ATRNL1: variants seen among roughly 807,000 people sequenced by gnomAD.
ATRNL1 encodes attractin-like protein 1.
Under a neutral mutation model 182.7 loss-of-function variants are expected in ATRNL1, and 95 were observed. That is an observed-to-expected ratio of 0.52 (90% CI 0.44 to 0.62). The LOEUF is 0.62. ATRNL1 is among the 20% of genes least tolerant of loss of function. The pLI is 0.00. For synonymous variants in ATRNL1, 576 were observed against 568.3 expected (o/e 1.01, Z -0.19); for missense variants, 1,471 against 1,679.5 (o/e 0.88, Z 2.17).
At chr10:115,171,646 T>G (rs2144096444) in intron 8 of ATRNL1, among the ~76,000 whole-genome samples, 1 of 152,082 alleles carries the variant, frequency 6.6e-6, no homozygotes, top group Non-Finnish European at 1.5e-5. Context: ...CATTGCATGG[T>G]TTCAGGATTT....
chr10:115,453,771 G>A (rs1282697082), intron 21 of ATRNL1, among the ~76,000 whole-genome samples: 4 of 147,294 alleles, frequency 2.7e-5, no homozygotes, highest in Non-Finnish European at 1.5e-5. Context: ...CACAGGAAGG[G>A]GAACATCACA....
intron 27 of ATRNL1, among the ~76,000 whole-genome samples, chr10:115,757,323 T>C (rs1209259338): frequency 6.6e-6 from 1 of 152,174 alleles, no homozygotes; most frequent in Non-Finnish European, 1.5e-5. Flanking sequence ...TGTGTAGTAC[T>C]TCCTTCAGGA....
At chr10:115,454,656 G>A (rs1252289920) in intron 21 of ATRNL1, among the ~76,000 whole-genome samples, 2 of 151,880 alleles carry the variant, frequency 1.3e-5, no homozygotes, top group Non-Finnish European at 2.9e-5. Context: ...TTCTTTTGAT[G>A]CCATTGTAAG....
chr10:115,098,331 A>G (rs1387849122), intron 1 of ATRNL1, among the ~76,000 whole-genome samples: 1 of 151,860 alleles, frequency 6.6e-6, no homozygotes, highest in South Asian at 2.1e-4. Flanking sequence ...AAGTTCCTTG[A>G]AAGTGTCACA....
rs76328082 is a variant in ATRNL1, at chr10:115,621,313, A to T, written c.3795+71777A>T. Among the ~76,000 whole-genome samples, 590 of 74,060 alleles carry T rather than the reference A, an allele frequency of 8.0e-3. 9 individuals are homozygous for T. Among genetic ancestry groups the T allele is most frequent in the African/African-American group, 0.021 (505 of 23,696 alleles). The allele number at this position is 74,060 out of a possible 152,430, so 48.6% of individuals were successfully genotyped here. ...GAGAGAGAGAGAGAGAGAGAGAGAG[A>T]GTGTGTGAGTGAGTCAGCATCTTAC... On this transcript the variant is annotated intron_variant, in intron 26 of 28. Transcript: ENST00000355044.
At chr10:115,484,196 A>G (rs1283105612) in intron 24 of ATRNL1, among the ~76,000 whole-genome samples, 1 of 151,160 alleles carries the variant, frequency 6.6e-6, no homozygotes, top group African/African-American at 2.4e-5. Context: ...TCTCATTGAT[A>G]TTAGGTTATG....
intron 28 of ATRNL1, among the ~76,000 whole-genome samples, chr10:115,893,771 C>T (rs555055442): frequency 2.6e-5 from 4 of 152,236 alleles, no homozygotes; most frequent in East Asian, 1.9e-4. Context: ...GCATGAAACG[C>T]GACTACTTCC....
intron 26 of ATRNL1, among the ~76,000 whole-genome samples, chr10:115,690,063 G>A (rs1158027101): frequency 6.6e-6 from 1 of 152,214 alleles, no homozygotes; most frequent in Admixed American, 6.5e-5. Flanking sequence ...GCCAAGTACA[G>A]AATTTGCACT....
At chr10:115,414,681 G>GTA (rs1193571827) in intron 20 of ATRNL1, among the ~76,000 whole-genome samples, 1 of 151,724 alleles carries the variant, frequency 6.6e-6, no homozygotes, top group African/African-American at 2.4e-5. Flanking sequence ...AAGTAAAGCT[G>GTA]TATGAGCTGT....
At chr10:115,257,080 TGTG>T (rs1851176945) in intron 10 of ATRNL1, among the ~76,000 whole-genome samples, 1 of 152,186 alleles carries the variant, frequency 6.6e-6, no homozygotes, top group African/African-American at 2.4e-5. Context: ...ATAAGTGCGA[TGTG>T]GTGCTGAGAA....
Position 115,948,503 on chromosome 10 carries a change from G to A in ATRNL1, c.*3724G>A, listed in dbSNP as rs892961540. 2.6e-5 allele frequency: 4 copies of A among 152,182 alleles called. No homozygotes were observed. The highest frequency in any genetic ancestry group is 5.9e-5 in the Non-Finnish European group (4 of 68,034). 9.4% of individuals were successfully genotyped at this position (152,182 alleles called of 1,614,324 possible). Reference sequence around the variant, plus strand: ...TTACCTGATTACAGGAATTGCTTGGGTTCAGGCAGATTCCCACTTTCACCT... The same window carrying A: ...TTACCTGATTACAGGAATTGCTTGGATTCAGGCAGATTCCCACTTTCACCT... On this transcript the variant is annotated 3_prime_UTR_variant, in exon 29 of 29. Coordinates refer to ENST00000355044, the MANE Select transcript of ATRNL1 (RefSeq NM_207303.4).
chr10:115,918,397 C>T (rs1952943913), intron 28 of ATRNL1, among the ~76,000 whole-genome samples: 1 of 152,140 alleles, frequency 6.6e-6, no homozygotes, highest in African/African-American at 2.4e-5. Context: ...GCCACCGCGT[C>T]CGGCCTTTTT....
At chr10:115,410,783 G>C (rs1177810812) in intron 20 of ATRNL1, among the ~76,000 whole-genome samples, 1 of 151,580 alleles carries the variant, frequency 6.6e-6, no homozygotes, top group Admixed American at 6.6e-5. Context: ...TGTCATCCAG[G>C]CTGGGGTTCA....
chr10:115,194,953 G>GA (rs782281256), intron 8 of ATRNL1, among the ~76,000 whole-genome samples: 51 of 150,816 alleles, frequency 3.4e-4, no homozygotes, highest in Non-Finnish European at 2.5e-4. Context: ...ACAAGGAAAA[G>GA]AAAAAAAACA....
intron 19 of ATRNL1, among the ~76,000 whole-genome samples, chr10:115,376,524 A>G (rs1857680535): frequency 1.3e-5 from 2 of 151,888 alleles, no homozygotes; most frequent in Admixed American, 1.3e-4. Context: ...ACATCCAGTT[A>G]ATTTTTTTAG....
At position 115,729,495 on chromosome 10, in the gene ATRNL1, TTGTGTGTGTG is replaced by T. The variant is rs139166434; in HGVS notation, c.3903+2172_3903+2181del. On this transcript the variant is annotated intron_variant, in intron 27 of 28. Coordinates refer to ENST00000355044, the MANE Select transcript of ATRNL1 (RefSeq NM_207303.4). ...CAAGGCTTATTTCAGCTACCCCATT[TTGTGTGTGTG>T]TGTGTGTGTGTGTGTGTGTGTGTGT... Among the ~76,000 whole-genome samples the T allele has an allele frequency of 1.4e-3, 200 of 142,152 alleles. 1 individual carries two copies. Among genetic ancestry groups the T allele is most frequent in the East Asian group, 0.012 (56 of 4,848 alleles). The allele number at this position is 142,152 out of a possible 152,430, so 93.3% of individuals were successfully genotyped here.
intron 5 of ATRNL1, among the ~76,000 whole-genome samples, chr10:115,159,236 G>T (rs1592187712): frequency 6.6e-6 from 1 of 151,284 alleles, no homozygotes; most frequent in Non-Finnish European, 1.5e-5. Context: ...TAGTATTTGA[G>T]AATTTTTTAG....
intron 19 of ATRNL1, among the ~76,000 whole-genome samples, chr10:115,363,976 G>C (rs1856887932): frequency 6.6e-6 from 1 of 151,996 alleles, no homozygotes; most frequent in African/African-American, 2.4e-5. Flanking sequence ...TTATTCTTTT[G>C]GCTTAGGATT....
At chr10:115,121,876 TTGATA>T in intron 3 of ATRNL1, 64 bp downstream of exon 3, 1 of 747,714 alleles carries the variant, frequency 1.3e-6, no homozygotes, top group South Asian at 1.8e-5. Context: ...TAAATATATA[TTGATA>T]TGTACTGCAA....
Sources: allele counts gnomAD v4.1 joint callset (sites outside exome capture counted in the v4.1 genomes callset), GRCh38; gene constraint gnomAD v4.1.1; transcripts MANE v1.5; gene names NCBI Gene and HGNC (gene_info 2026-07-23, HGNC 2026-07-21).